The following PYGB variants were observed in gnomAD, a reference collection of about 807,000 sequenced individuals.
PYGB encodes glycogen phosphorylase B, also known as glycogen phosphorylase, brain form.
In PYGB, 82 loss-of-function variants were observed where a neutral mutation model predicts 94.3. The observed-to-expected ratio is 0.87, with a 90% CI of 0.73 to 1.04. The LOEUF is 1.04. Ranked by LOEUF, PYGB falls within the 50% of genes least tolerant of loss-of-function variation. The pLI is 0.00. For missense variants in PYGB, 1,132 were observed against 1,158.2 expected (o/e 0.98, Z 0.33); for synonymous variants, 488 against 479.1 (o/e 1.02, Z -0.24).
intron 9 of PYGB, 32 bp from the exon 10 acceptor site, chr20:25,280,234 C>T (rs904214720): frequency 1.2e-6 from 2 of 1,604,666 alleles, no homozygotes; most frequent in Non-Finnish European, 1.7e-6. Context: ...TGTTTCTAAA[C>T]AAACACATGG....
Position 25,292,410 on chromosome 20 carries a change from C to T in PYGB, c.1974C>T (p.Ile658=), listed in dbSNP as rs201515711. The change falls in exon 17 of 20, where the codon ATC becomes ATT. Residue 658 remains isoleucine, a synonymous_variant. Transcript: ENST00000216962. ...NYRVSLAEKV[I]PAADLSQQIS... ...TCCACGGGCTCCCCTCCACAGTGAT[C>T]CCGGCCGCTGATCTGTCGCAGCAGA... 13 of 1,612,802 alleles carry T rather than the reference C, an allele frequency of 8.1e-6. No individual in the cohort carries two copies. Among genetic ancestry groups the T allele is most frequent in the Non-Finnish European group, 1.1e-5 (13 of 1,179,958 alleles).
At chr20:25,292,005 AT>A (rs1214413554) in intron 16 of PYGB, among the ~76,000 whole-genome samples, 1 of 152,062 alleles carries the variant, frequency 6.6e-6, no homozygotes, top group Non-Finnish European at 1.5e-5. Flanking sequence ...TCTGGTCTAC[AT>A]TCCTCCTGAA....
At position 25,295,508 on chromosome 20, in the gene PYGB, G is replaced by A. The variant is rs759263062; in HGVS notation, c.2313-96G>A. The stretch of plus-strand genomic sequence containing the variant: ...CCTTCGCTCCAGACAGGACCAGGTG[G>A]ATGGTGCCTGGCCTCCTGCCCTGGG... On this transcript the variant is annotated intron_variant, in intron 18 of 19. Transcript: ENST00000216962. 2.9e-4 allele frequency: 407 copies of A among 1,394,614 alleles called. 1 individual carries two copies. Among genetic ancestry groups the A allele is most frequent in the Non-Finnish European group, 4.0e-4 (395 of 984,768 alleles). 86.4% of individuals were successfully genotyped at this position (1,394,614 alleles called of 1,614,324 possible). A position where few individuals can be genotyped will look rare whatever the true frequency, so the allele number is the denominator to read the frequency against.
intron 5 of PYGB, 90 bp from the exon 6 acceptor site, chr20:25,276,556 G>C: frequency 9.3e-7 from 1 of 1,071,650 alleles, no homozygotes; most frequent in Non-Finnish European, 1.4e-6. Flanking sequence ...CAGGGCGCCA[G>C]GTGCCCAGGA....
intron 2 of PYGB, among the ~76,000 whole-genome samples, chr20:25,264,525 C>T (rs1026071551): frequency 2.4e-4 from 37 of 152,072 alleles, no homozygotes; most frequent in African/African-American, 2.4e-5. Flanking sequence ...TTTAGAAAAC[C>T]CCATCATCTC....
chr20:25,270,619 T>C (rs1337284958), intron 3 of PYGB, among the ~76,000 whole-genome samples: 6 of 152,028 alleles, frequency 3.9e-5, no homozygotes, highest in African/African-American at 1.2e-4. Flanking sequence ...AACCCCAGCC[T>C]CCCGAGTAGC....
chr20:25,269,328 G>A (rs1047642206), intron 3 of PYGB, 121 bp downstream of exon 3: 2 of 694,330 alleles, frequency 2.9e-6, no homozygotes, highest in Admixed American at 3.3e-5. Context: ...GGATGGGCCA[G>A]TGTGTTCTTC....
rs772431486 is a variant in PYGB, at chr20:25,280,976, G to A, written c.1267G>A (p.Val423Met). 4.3e-6 allele frequency: 7 copies of A among 1,614,080 alleles called. No homozygotes were observed. Among genetic ancestry groups the A allele is most frequent in the Admixed American group, 1.7e-5 (1 of 60,026 alleles). The change falls in exon 11 of 20, where the codon GTG becomes ATG. Residue 423 changes from valine (V) to methionine (M), a missense_variant. Coordinates refer to ENST00000216962, the MANE Select transcript of PYGB (RefSeq NM_002862.4). ...DHVAALFPGD[V>M]DRLRRMSVIE... ...CGTGGCCGCGCTGTTTCCCGGCGAT[G>A]TGGACCGCCTGCGCAGGATGTCTGT...
intron 1 of PYGB, among the ~76,000 whole-genome samples, chr20:25,257,337 C>T (rs1487682743): frequency 1.3e-5 from 2 of 152,206 alleles, no homozygotes; most frequent in Admixed American, 6.5e-5. Flanking sequence ...GCAGAACCCT[C>T]GATGTCTGCA....
chr20:25,292,476 G>T lies in PYGB; in HGVS notation c.2040G>T (p.Met680Ile). 2 of 1,613,672 alleles carry T rather than the reference G, an allele frequency of 1.2e-6. No homozygotes were observed. Among genetic ancestry groups the T allele is most frequent in the Non-Finnish European group, 1.7e-6 (2 of 1,180,028 alleles). ...AGTEASGTGNMKFMLNGALTI... is the reference protein window; with the variant it reads ...AGTEASGTGNIKFMLNGALTI... ...CCGAGGCCTCAGGCACAGGCAACAT[G>T]AAGTTCATGCTCAACGGGGCCCTCA... The change falls in exon 17 of 20, where the codon ATG becomes ATT. Residue 680 changes from methionine (M) to isoleucine (I), a missense_variant. Transcript: ENST00000216962.
chr20:25,270,448 C>T (rs960117700), intron 3 of PYGB, among the ~76,000 whole-genome samples: 3 of 152,116 alleles, frequency 2.0e-5, no homozygotes, highest in East Asian at 1.9e-4. Context: ...GTGATCTGCC[C>T]GCCTCAGCCT....
rs112319672 is a variant in PYGB at position 25,254,604 on chromosome 20, T to G, written c.244-4633T>G. Among the ~76,000 whole-genome samples, 1,070 of 152,290 alleles carry G rather than the reference T, an allele frequency of 7.0e-3. 5 individuals carry two copies. The highest frequency in any genetic ancestry group is 0.02 in the Middle Eastern group (6 of 294). On this transcript the variant is annotated intron_variant, in intron 1 of 19. Transcript: ENST00000216962. The stretch of plus-strand genomic sequence containing the variant: ...AATGACATGTAATTTTAGGTATAGG[T>G]AAGTGGCATTTCTCGGCCTACAAAC...
chr20:25,250,146 A>G (rs2092883532), intron 1 of PYGB, among the ~76,000 whole-genome samples: 1 of 152,034 alleles, frequency 6.6e-6, no homozygotes, highest in Non-Finnish European at 1.5e-5. Flanking sequence ...AACGCACCCG[A>G]CCCGCAACAT....
chr20:25,248,556 G>A (rs2092877881), intron 1 of PYGB, 135 bp downstream of exon 1: 4 of 1,147,356 alleles, frequency 3.5e-6, no homozygotes, highest in Non-Finnish European at 3.3e-6. Flanking sequence ...GCCAGGCACA[G>A]CCGACTGGGG....
chr20:25,248,347 G>C lies in PYGB; in HGVS notation c.169G>C (p.Ala57Pro). Residue 57 changes from alanine to proline, a missense_variant, in exon 1 of 20, where the codon GCG (alanine) becomes CCG (proline). By Grantham distance (27) the Ala-to-Pro change is conservative. Transcript: ENST00000216962. ...ATPRDYFFALAHTVRDHLVGR... is the reference protein window; with the variant it reads ...ATPRDYFFALPHTVRDHLVGR... ...GCCCCGCGACTACTTCTTCGCGCTGGCGCACACGGTGCGCGACCACCTCGT... is the reference window on the plus strand; with the variant it reads ...GCCCCGCGACTACTTCTTCGCGCTGCCGCACACGGTGCGCGACCACCTCGT... 6.2e-7 allele frequency: 1 copy of C among 1,602,280 alleles called. No homozygotes were observed. Among genetic ancestry groups the C allele is most frequent in the Non-Finnish European group, 8.5e-7 (1 of 1,175,246 alleles).
At chr20:25,250,000 C>T (rs2092883062) in intron 1 of PYGB, among the ~76,000 whole-genome samples, 1 of 152,222 alleles carries the variant, frequency 6.6e-6, no homozygotes, top group South Asian at 2.1e-4. Context: ...CAGGCGCCTA[C>T]CACCACGCCC....
At chr20:25,256,509 C>CA (rs200606675) in intron 1 of PYGB, among the ~76,000 whole-genome samples, 10,320 of 147,958 alleles carry the variant, frequency 0.07, 1,101 homozygotes, top group African/African-American at 0.23. Context: ...AAAAAAAAAA[C>CA]AAAAACAAAA....
chr20:25,278,593 T>G (rs2088336376), intron 8 of PYGB, 131 bp downstream of exon 8: 8 of 1,315,376 alleles, frequency 6.1e-6, no homozygotes, highest in Non-Finnish European at 8.1e-6. Context: ...GGTCTCGTCA[T>G]TCTGGGCCAG....
chr20:25,293,935 G>A, intron 17 of PYGB: 1 of 584,422 alleles, frequency 1.7e-6, no homozygotes, highest in Non-Finnish European at 3.1e-6. Flanking sequence ...CAAAGGAGCA[G>A]GTGGGATTGG....
Sources: allele counts gnomAD v4.1 joint callset (sites outside exome capture counted in the v4.1 genomes callset), GRCh38; gene constraint gnomAD v4.1.1; transcripts MANE v1.5; gene names NCBI Gene and HGNC (gene_info 2026-07-23, HGNC 2026-07-21).